Variants in AGBL1 observed in about 807,000 individuals in gnomAD.
AGBL1 encodes the protein AGBL carboxypeptidase 1.
A neutral mutation model predicts 118.9 loss-of-function variants in AGBL1; 130 were observed. That is an observed-to-expected ratio of 1.09 (90% CI 0.95 to 1.26). The LOEUF is 1.26. Among genes scored for constraint, AGBL1 ranks in the 50% most tolerant of loss-of-function variants. The pLI is 0.00. For synonymous variants in AGBL1, 555 were observed against 478.9 expected, an observed-to-expected ratio of 1.16 and a Z score of -2.08; for missense variants, 1,584 against 1,298.1, an observed-to-expected ratio of 1.22 and a Z score of -3.38.
At chr15:86,625,790 G>A (rs1242371611) in intron 21 of AGBL1, among the ~76,000 whole-genome samples, 1 of 152,118 alleles carries the variant, frequency 6.6e-6, no homozygotes, top group Non-Finnish European at 1.5e-5. Context: ...GTTCAGGGCA[G>A]CAAAAGACAT....
At position 86,797,785 on chromosome 15, in the gene AGBL1, G is replaced by C. The variant is rs147021312; in HGVS notation, c.3159-109302G>C. Among the ~76,000 whole-genome samples, 535 of 152,292 alleles carry C rather than the reference G, an allele frequency of 3.5e-3. 12 individuals carry two copies. The highest frequency in any genetic ancestry group is 8.7e-4 in the Non-Finnish European group (59 of 68,024). ...TCCATCAGCAAAATGGAAAGGGAAG[G>C]ACTTGGAAGAACCTGCAAAGGGAAG... is the stretch of plus-strand genomic sequence containing the variant. On this transcript the variant is annotated intron_variant, in intron 22 of 22. Coordinates refer to ENST00000614907, the MANE Select transcript of AGBL1 (RefSeq NM_001386094.1).
In AGBL1 at chr15:86,864,461, C is replaced by T. The variant is rs542922294; in HGVS notation, c.3159-42626C>T. Among the ~76,000 whole-genome samples the T allele has an allele frequency of 3.3e-5, 5 of 152,196 alleles. No homozygotes were observed. The East Asian group carries it at 9.7e-4, about 29-fold the overall frequency. On this transcript the variant is annotated intron_variant, in intron 22 of 22. Transcript: ENST00000614907. ...CTTATGAGTTAAGAGAATTTTAATACCTTCATGTCATAGATAAGAAAATGG... is the reference window on the plus strand; with the variant it reads ...CTTATGAGTTAAGAGAATTTTAATATCTTCATGTCATAGATAAGAAAATGG...
At chr15:86,171,233 A>C (rs2077410578) in intron 5 of AGBL1, among the ~76,000 whole-genome samples, 2 of 152,192 alleles carry the variant, frequency 1.3e-5, no homozygotes, top group African/African-American at 2.4e-5. Context: ...AACATGAGTA[A>C]ATATATTTGA....
rs1230474416 is a variant in AGBL1 at position 86,170,909 on chromosome 15, C to A, written c.488+11883C>A. On this transcript the variant is annotated intron_variant, in intron 5 of 22. Transcript: ENST00000614907. ...ACAAAAAAAAAAAAAATCTTCAAAG[C>A]ACCCAGGAAAGGAAAAAAGATGCAT... Among the ~76,000 whole-genome samples the A allele has an allele frequency of 6.7e-5, 10 of 150,354 alleles. No individual in the cohort carries two copies. In the South Asian group the frequency reaches 8.4e-4, roughly 13 times the overall value.
intron 22 of AGBL1, among the ~76,000 whole-genome samples, chr15:86,820,089 A>G (rs543923948): frequency 6.6e-6 from 1 of 152,338 alleles, no homozygotes; most frequent in African/African-American, 2.4e-5. Context: ...GGCTAGCCAT[A>G]TGCAGAAAAC....
chr15:86,830,450 A>G (rs983769579), intron 22 of AGBL1, among the ~76,000 whole-genome samples: 8 of 152,184 alleles, frequency 5.3e-5, no homozygotes, highest in African/African-American at 1.9e-4. Context: ...AGGAGGCTTC[A>G]GTCACCAGGT....
chr15:86,808,738 T>G (rs898106491), intron 22 of AGBL1, among the ~76,000 whole-genome samples: 3 of 151,066 alleles, frequency 2.0e-5, no homozygotes, highest in Admixed American at 6.6e-5. Flanking sequence ...CTCCCTCCCT[T>G]CTTTCCTTCC....
chr15:86,298,354 ATTC>A (rs2079691293), intron 17 of AGBL1, among the ~76,000 whole-genome samples: 1 of 113,804 alleles, frequency 8.8e-6, no homozygotes, highest in South Asian at 2.5e-4. Flanking sequence ...ATATGAATAT[ATTC>A]TTATATATAT....
intron 21 of AGBL1, among the ~76,000 whole-genome samples, chr15:86,671,292 G>A (rs2085742438): frequency 6.6e-6 from 1 of 151,974 alleles, no homozygotes; most frequent in Admixed American, 6.6e-5. Flanking sequence ...ACAAACAGGA[G>A]AATGGCAGAT....
chr15:86,488,737 C>T (rs939973431), intron 18 of AGBL1, among the ~76,000 whole-genome samples: 4 of 152,020 alleles, frequency 2.6e-5, no homozygotes, highest in African/African-American at 9.7e-5. Context: ...TACAACTCAT[C>T]GCCCCTCTCT....
intron 18 of AGBL1, among the ~76,000 whole-genome samples, chr15:86,416,447 G>T (rs1047852250): frequency 6.6e-6 from 1 of 152,158 alleles, no homozygotes; most frequent in African/African-American, 2.4e-5. Context: ...TAGAAGGGGA[G>T]ACTGCAGCAC....
At chr15:86,405,719 A>G (rs1206430849) in intron 18 of AGBL1, among the ~76,000 whole-genome samples, 1 of 152,214 alleles carries the variant, frequency 6.6e-6, no homozygotes, top group African/African-American at 2.4e-5. Context: ...AAAATGATAC[A>G]TGATACAGCC....
chr15:86,671,061 C>G lies in AGBL1; in HGVS notation c.2995-3212C>G, dbSNP rs80056374. Among the ~76,000 whole-genome samples the G allele has an allele frequency of 7.7e-3, 1,171 of 152,256 alleles. 10 individuals are homozygous for G. The highest frequency in any genetic ancestry group is 0.026 in the African/African-American group (1,070 of 41,556). On this transcript the variant is annotated intron_variant, in intron 21 of 22. Coordinates refer to ENST00000614907, the MANE Select transcript of AGBL1 (RefSeq NM_001386094.1). ...ACACTCATTTCTAACCCTCTTCTCT[C>G]TTACCTGTCTCTTTTAAGGAGGGTG...
intron 22 of AGBL1, among the ~76,000 whole-genome samples, chr15:86,713,207 T>C (rs1453894569): frequency 1.3e-5 from 2 of 152,104 alleles, no homozygotes; most frequent in Non-Finnish European, 1.5e-5. Flanking sequence ...ACATCATTAA[T>C]TATGAAAGAG....
intron 17 of AGBL1, among the ~76,000 whole-genome samples, chr15:86,350,387 G>T (rs1354374796): frequency 6.6e-6 from 1 of 152,154 alleles, no homozygotes. Context: ...GTCTTGAGTG[G>T]TTGTTTGACA....
At chr15:86,583,468 G>C (rs1203118245) in intron 21 of AGBL1, among the ~76,000 whole-genome samples, 1 of 152,128 alleles carries the variant, frequency 6.6e-6, no homozygotes, top group Admixed American at 6.6e-5. Context: ...ATTTGCTTAA[G>C]ATTGTGGCCT....
chr15:86,995,560 G>T (rs536325993), intron 24 of AGBL1, among the ~76,000 whole-genome samples: 44 of 152,110 alleles, frequency 2.9e-4, no homozygotes, highest in African/African-American at 8.7e-4. Flanking sequence ...AATTCAAAAA[G>T]CCCTGAAGAT....
chr15:86,817,650 C>CAG (rs1457840256), intron 22 of AGBL1, among the ~76,000 whole-genome samples: 10,352 of 139,050 alleles, frequency 0.074, 540 homozygotes, highest in Non-Finnish European at 0.093. Flanking sequence ...CACACACAGA[C>CAG]ACACACACAC....
rs570889381 is a variant in AGBL1, at chr15:86,897,404, AT to A, written c.3159-9676del. 1.8e-4 allele frequency among the ~76,000 whole-genome samples: 27 copies of A among 152,010 alleles called. No individual in the cohort carries two copies. The South Asian group carries it at 2.1e-3, about 12-fold the overall frequency. ...ACAAGTAAGTTTTTCTGTATATGAG[AT>A]TTTTTTCTATTATATCTTTAAACTA... On this transcript the variant is annotated intron_variant, in intron 22 of 22. Coordinates refer to ENST00000614907, the MANE Select transcript of AGBL1 (RefSeq NM_001386094.1).
Sources: gnomAD v4.1 joint callset for allele counts (sites outside exome capture counted in the v4.1 genomes callset) on GRCh38, gnomAD v4.1.1 for gene constraint, MANE v1.5 for transcripts, NCBI Gene and HGNC (gene_info 2026-07-23, HGNC 2026-07-21) for gene names.